SP110: variants seen among roughly 807,000 people sequenced by gnomAD.
SP110 encodes the protein SP110 nuclear body protein, also known as interferon-induced protein 41, 30kD.
In SP110, 62 loss-of-function variants were observed where a neutral mutation model predicts 92.7. That is an observed-to-expected ratio of 0.67 (90% CI 0.55 to 0.83). SP110 has a LOEUF of 0.83. SP110 is among the 40% of genes least tolerant of loss of function. SP110 has a pLI of 0.00. For synonymous variants in SP110, 273 were observed against 305.3 expected (o/e 0.89, Z 1.10); for missense variants, 793 against 863.9 (o/e 0.92, Z 1.03).
intron 5 of SP110, 106 bp downstream of exon 5, chr2:230,212,241 C>T (rs2044570022): frequency 9.8e-6 from 8 of 819,402 alleles, no homozygotes; most frequent in Non-Finnish European, 1.7e-5. Context: ...TTGTATTGCT[C>T]AGTTCTTTTT....
chr2:230,199,845 A>G (rs1307466522), intron 10 of SP110, among the ~76,000 whole-genome samples: 1 of 152,220 alleles, frequency 6.6e-6, no homozygotes, highest in Non-Finnish European at 1.5e-5. Context: ...AAGGTTTGAC[A>G]GTATTCTTTC....
intron 3 of SP110, 39 bp downstream of exon 3, chr2:230,214,911 A>G: frequency 6.3e-7 from 1 of 1,580,314 alleles, no homozygotes; most frequent in South Asian, 1.1e-5. Context: ...TACCATAGCA[A>G]CTTTTTAAAT....
chr2:230,189,978 C>T (rs4972942), intron 10 of SP110, among the ~76,000 whole-genome samples: 116,180 of 152,152 alleles, frequency 0.76, 44,488 homozygotes, highest in Admixed American at 0.83. Context: ...GTTGGTTCCA[C>T]GTCTTTGCTA....
chr2:230,174,970 G>C (rs2041785804), intron 14 of SP110, among the ~76,000 whole-genome samples: 1 of 152,190 alleles, frequency 6.6e-6, no homozygotes, highest in Non-Finnish European at 1.5e-5. Context: ...ATTATGAGCT[G>C]ACATGTGGCA....
intron 10 of SP110, among the ~76,000 whole-genome samples, chr2:230,198,557 G>A (rs1338925150): frequency 6.6e-6 from 1 of 152,074 alleles, no homozygotes; most frequent in Non-Finnish European, 1.5e-5. Context: ...TTGAAGTCAG[G>A]TGTGGCCGTG....
intron 11 of SP110, among the ~76,000 whole-genome samples, chr2:230,184,260 GCT>G (rs2042255904): frequency 6.6e-6 from 1 of 152,188 alleles, no homozygotes; most frequent in South Asian, 2.1e-4. Flanking sequence ...TCAAAAAACT[GCT>G]TATAAAGGGG....
At chr2:230,200,475 A>C in intron 10 of SP110, 1 of 198,886 alleles carries the variant, frequency 5.0e-6, no homozygotes, top group Non-Finnish European at 1.0e-5. Flanking sequence ...CCACATGAGA[A>C]ATATGGAGAT....
At chr2:230,205,096 A>C (rs1269249283) in intron 8 of SP110, among the ~76,000 whole-genome samples, 4 of 152,208 alleles carry the variant, frequency 2.6e-5, no homozygotes, top group African/African-American at 9.7e-5. Context: ...TAAGCATGGA[A>C]ATAAACTAAT....
At chr2:230,192,806 G>C (rs1311221486) in intron 10 of SP110, among the ~76,000 whole-genome samples, 1 of 152,128 alleles carries the variant, frequency 6.6e-6, no homozygotes, top group African/African-American at 2.4e-5. Flanking sequence ...GGTCTATCTT[G>C]GAGAATGTTC....
intron 10 of SP110, among the ~76,000 whole-genome samples, chr2:230,200,123 G>T (rs1168769654): frequency 6.6e-6 from 1 of 152,124 alleles, no homozygotes; most frequent in East Asian, 1.9e-4. Context: ...CTGTTAAAAT[G>T]ATAATTTAGA....
In SP110 at chr2:230,199,335, T is replaced by G. The variant is rs372478570; in HGVS notation, c.1129+1550A>C. On this transcript the variant is annotated intron_variant, in intron 10 of 18. Coordinates refer to ENST00000258381, the MANE Select transcript of SP110 (RefSeq NM_080424.4). ...GCGATTCTCCTTCCTCAGCCTCCCA[T>G]GTAGCTGGGATTACAGGCGCCCACC... Among the ~76,000 whole-genome samples, 498 of 149,286 alleles carry G rather than the reference T, an allele frequency of 3.3e-3. 3 individuals are homozygous for G. Among genetic ancestry groups the G allele is most frequent in the African/African-American group, 0.012 (475 of 40,510 alleles).
At chr2:230,191,039 G>T (rs552879790) in intron 10 of SP110, among the ~76,000 whole-genome samples, 49 of 152,206 alleles carry the variant, frequency 3.2e-4, no homozygotes, top group African/African-American at 1.2e-3. Flanking sequence ...AGCTATATGG[G>T]ATCTTCTTCG....
At chr2:230,209,879 A>T in intron 7 of SP110, 52 bp downstream of exon 7, 1 of 1,048,794 alleles carries the variant, frequency 9.5e-7, no homozygotes, top group Non-Finnish European at 1.5e-6. Flanking sequence ...AAAAACAGAA[A>T]GCAACTCTGA....
Position 230,212,952 on chromosome 2 carries a change from C to T in SP110, c.392G>A (p.Ser131Asn). The T allele has an allele frequency of 6.2e-7, 1 of 1,614,036 alleles. No individual in the cohort carries two copies. The highest frequency in any genetic ancestry group is 1.1e-5 in the South Asian group (1 of 91,076). ...LEAPTGLAEG[S>N]SLHTPLALPP... ...CAGCGCCAGTGGGGTATGGAGGGAGCTTCCTTCTGCTAGGCCAGTTGGGGC... is the reference window on the plus strand; with the variant it reads ...CAGCGCCAGTGGGGTATGGAGGGAGTTTCCTTCTGCTAGGCCAGTTGGGGC... Residue 131 changes from serine (S) to asparagine (N), a missense_variant, in exon 4 of 19, where the codon AGC becomes AAC. Ser to Asn is a conservative substitution (Grantham distance 46). Coordinates refer to ENST00000258381, the MANE Select transcript of SP110 (RefSeq NM_080424.4).
chr2:230,203,836 C>A (rs1031677298), intron 8 of SP110: 3 of 151,924 alleles, frequency 2.0e-5, no homozygotes, highest in African/African-American at 4.8e-5. Flanking sequence ...TGTTGGGCTG[C>A]GGGCAGGGAG....
chr2:230,222,505 G>T (rs114454336), upstream of SP110, among the ~76,000 whole-genome samples: 2,083 of 152,180 alleles, frequency 0.014, 44 homozygotes, highest in African/African-American at 0.047. Flanking sequence ...GATCGCTTGA[G>T]CCCAGGTGTT....
intron 1 of SP110, among the ~76,000 whole-genome samples, chr2:230,217,521 A>T (rs1397342221): frequency 6.6e-6 from 1 of 152,192 alleles, no homozygotes; most frequent in African/African-American, 2.4e-5. Flanking sequence ...ATATTTATGG[A>T]GTGTTTCCTG....
intron 14 of SP110, chr2:230,176,832 G>T: frequency 8.5e-7 from 1 of 1,181,178 alleles, no homozygotes. Context: ...CATCACACTG[G>T]ATCTCAAACC....
chr2:230,170,658 A>G lies in SP110; in HGVS notation c.1991T>C (p.Met664Thr), dbSNP rs1302656922. The G allele has an allele frequency of 6.2e-7, 1 of 1,614,150 alleles. No individual in the cohort carries two copies. The highest frequency in any genetic ancestry group is 8.5e-7 in the Non-Finnish European group (1 of 1,180,008). ...MYTVAWFVRD[M>T]RLMFRNHKTF... ...TTTATGGTTGCGAAACATCAGGCGC[A>G]TGTCTCGCACAAACCATGCCACCGT... The change falls in exon 18 of 19, where the codon ATG becomes ACG. Residue 664 changes from methionine to threonine, a missense_variant. Coordinates refer to ENST00000258381, the MANE Select transcript of SP110 (RefSeq NM_080424.4).
Sources: allele counts gnomAD v4.1 joint callset (sites outside exome capture counted in the v4.1 genomes callset), GRCh38; gene constraint gnomAD v4.1.1; transcripts MANE v1.5; gene names NCBI Gene and HGNC (gene_info 2026-07-23, HGNC 2026-07-21).